AGO3: variants seen among roughly 807,000 people sequenced by gnomAD.
AGO3 encodes argonaute RISC catalytic component 3.
Under a neutral mutation model 105.5 loss-of-function variants are expected in AGO3, and 16 were observed. The ratio of observed to expected loss-of-function variants is 0.15; its 90% CI spans 0.10 to 0.23. The LOEUF (loss-of-function observed/expected upper bound fraction) is 0.23. AGO3 is among the 10% of genes least tolerant of loss of function. AGO3 has a pLI of 1.00. For synonymous variants in AGO3, 340 were observed against 367.3 expected (o/e 0.93, Z 0.85); for missense variants, 534 against 1,088.0 (o/e 0.49, Z 7.16).
intron 5 of AGO3, among the ~76,000 whole-genome samples, chr1:35,991,535 T>A (rs867574403): frequency 6.7e-4 from 97 of 145,758 alleles, no homozygotes; most frequent in African/African-American, 1.6e-3. Flanking sequence ...GGAGCAAATT[T>A]TATATATATA....
intron 17 of AGO3, among the ~76,000 whole-genome samples, chr1:36,047,363 A>C (rs1302994204): frequency 6.6e-6 from 1 of 152,100 alleles, no homozygotes; most frequent in Non-Finnish European, 1.5e-5. Flanking sequence ...TACAAAATAT[A>C]ATAGAGAGCT....
chr1:36,005,302 T>C (rs1640284976), intron 6 of AGO3, among the ~76,000 whole-genome samples: 1 of 152,208 alleles, frequency 6.6e-6, no homozygotes, highest in Non-Finnish European at 1.5e-5. Context: ...ACTGAACATC[T>C]TTCAGTTCCC....
At chr1:35,936,244 T>A (rs1646143565) in intron 1 of AGO3, among the ~76,000 whole-genome samples, 1 of 151,912 alleles carries the variant, frequency 6.6e-6, no homozygotes, top group South Asian at 2.1e-4. Flanking sequence ...TTTCTTTGGC[T>A]AGCCACTGCT....
At chr1:36,021,767 A>G (rs984147418) in intron 11 of AGO3, among the ~76,000 whole-genome samples, 10 of 152,206 alleles carry the variant, frequency 6.6e-5, no homozygotes, top group African/African-American at 2.4e-4. Flanking sequence ...GTGATCATTA[A>G]AAGGTTTTTT....
At chr1:36,046,290 C>T (rs1325477964) in intron 17 of AGO3, among the ~76,000 whole-genome samples, 1 of 152,184 alleles carries the variant, frequency 6.6e-6, no homozygotes, top group African/African-American at 2.4e-5. Flanking sequence ...GCCATGACTC[C>T]TCTTTATTGT....
At chr1:36,050,401 G>A (rs1199172559) in intron 17 of AGO3, among the ~76,000 whole-genome samples, 1 of 152,016 alleles carries the variant, frequency 6.6e-6, no homozygotes. Context: ...CAAGAGAATC[G>A]CTTGAACCTA....
At chr1:36,035,438 G>A (rs1641960189) in intron 13 of AGO3, among the ~76,000 whole-genome samples, 1 of 152,092 alleles carries the variant, frequency 6.6e-6, no homozygotes, top group African/African-American at 2.4e-5. Context: ...ATAAAAGGAA[G>A]TCCTAGCTTC....
intron 2 of AGO3, among the ~76,000 whole-genome samples, chr1:35,958,374 C>A (rs1230921936): frequency 1.3e-5 from 2 of 151,370 alleles, no homozygotes; most frequent in African/African-American, 4.9e-5. Flanking sequence ...GAATAAGACT[C>A]CATAATAAAA....
At chr1:35,935,360 A>G (rs1335636748) in intron 1 of AGO3, among the ~76,000 whole-genome samples, 1 of 152,262 alleles carries the variant, frequency 6.6e-6, no homozygotes, top group African/African-American at 2.4e-5. Flanking sequence ...TCAGCCTCAT[A>G]TAACCGTTCT....
chr1:36,040,940 G>A (rs541296102), intron 16 of AGO3, among the ~76,000 whole-genome samples: 1 of 151,696 alleles, frequency 6.6e-6, no homozygotes, highest in East Asian at 2.0e-4. Context: ...AGGTGTGGTG[G>A]CGCACATCTG....
At chr1:35,942,322 C>A (rs113889174) in intron 1 of AGO3, among the ~76,000 whole-genome samples, 2 of 152,026 alleles carry the variant, frequency 1.3e-5, no homozygotes, top group African/African-American at 2.4e-5. Context: ...CATGTATATT[C>A]GTGAATTAGA....
intron 5 of AGO3, chr1:35,992,290 A>G (rs1013934648): frequency 2.0e-5 from 3 of 152,142 alleles, no homozygotes; most frequent in African/African-American, 7.2e-5. Context: ...TATCTCTTCC[A>G]GTTAGTATGC....
At chr1:35,995,150 G>A (rs969581868) in intron 5 of AGO3, among the ~76,000 whole-genome samples, 1 of 148,724 alleles carries the variant, frequency 6.7e-6, no homozygotes, top group African/African-American at 2.5e-5. Context: ...GCAGTGAGCC[G>A]AGGTATCACC....
intron 17 of AGO3, among the ~76,000 whole-genome samples, chr1:36,049,274 C>T (rs745628144): frequency 9.2e-5 from 14 of 152,122 alleles, no homozygotes; most frequent in Non-Finnish European, 1.5e-5. Context: ...AATCCCAGCA[C>T]TTTGGGAGGC....
intron 2 of AGO3, among the ~76,000 whole-genome samples, chr1:35,958,498 A>C (rs751768292): frequency 2.0e-5 from 3 of 152,036 alleles, no homozygotes; most frequent in Non-Finnish European, 4.4e-5. Flanking sequence ...CTGTCTCTAC[A>C]AGAAATACAA....
rs1642001567 is a variant in AGO3 at position 36,036,217 on chromosome 1, G to A, written c.1792G>A (p.Asp598Asn). ...FQQPVIFLGADVTHPPAGDGK... is the reference protein window; with the variant it reads ...FQQPVIFLGANVTHPPAGDGK... ...GCAACCAGTGATCTTTTTGGGAGCC[G>A]ATGTCACTCATCCACCTGCTGGTGA... is the stretch of plus-strand genomic sequence containing the variant. The change falls in exon 14 of 19, where the codon GAT (aspartate) becomes AAT (asparagine). Residue 598 changes from aspartate to asparagine, a missense_variant. This residue lies in a region of AGO3 where 373 missense variants were observed against 854.0 expected (regional missense o/e 0.44). Coordinates refer to ENST00000373191, the MANE Select transcript of AGO3 (RefSeq NM_024852.4). The A allele has an allele frequency of 6.2e-7, 1 of 1,614,088 alleles. No homozygotes were observed. The highest frequency in any genetic ancestry group is 8.5e-7 in the Non-Finnish European group (1 of 1,179,984).
At chr1:35,997,048 C>G (rs954482338) in intron 5 of AGO3, among the ~76,000 whole-genome samples, 2 of 152,118 alleles carry the variant, frequency 1.3e-5, no homozygotes, top group African/African-American at 2.4e-5. Flanking sequence ...GGTGCCTAGA[C>G]AGGCAGATCG....
In AGO3 at chr1:36,008,580, A is replaced by G; in HGVS notation, c.794-110A>G. ...TTATATCATCTTGCCTGTATCACAG[A>G]ATTTTTTGTCTGTTCAGAATTGAGT... On this transcript the variant is annotated intron_variant, in intron 6 of 18. Transcript: ENST00000373191. This position sits in a 1 kb window ranked among gnomAD's most constrained non-coding sequence, Gnocchi z 5.1. The G allele has an allele frequency of 1.3e-5, 12 of 945,200 alleles. No homozygotes were observed. The highest frequency in any genetic ancestry group is 1.9e-5 in the Non-Finnish European group (12 of 629,360). 58.6% of individuals were successfully genotyped at this position (945,200 alleles called of 1,614,324 possible).
intron 5 of AGO3, among the ~76,000 whole-genome samples, chr1:35,973,953 T>C (rs997610459): frequency 1.3e-5 from 2 of 152,228 alleles, no homozygotes; most frequent in Non-Finnish European, 2.9e-5. Flanking sequence ...TTCAAGCTTA[T>C]GTAAAAACAG....
Sources: gnomAD v4.1 joint callset for allele counts (sites outside exome capture counted in the v4.1 genomes callset) on GRCh38, gnomAD v4.1.1 for gene constraint, gnomAD v4.1.1 regional missense constraint, Gnocchi (gnomAD v3.1) non-coding constraint, MANE v1.5 for transcripts, NCBI Gene and HGNC (gene_info 2026-07-23, HGNC 2026-07-21) for gene names.